The following DARS1 variants were observed in gnomAD, a reference collection of about 807,000 sequenced individuals.
The protein encoded by DARS1 is aspartyl-tRNA synthetase 1, also known as aspartate--tRNA ligase, cytoplasmic.
DARS1 carries 51 observed loss-of-function variants against 68.8 expected under a neutral mutation model. That is an observed-to-expected ratio of 0.74 (90% CI 0.59 to 0.94). The LOEUF is 0.94. DARS1 is among the 40% of genes least tolerant of loss of function. The pLI is 0.00. For missense variants in DARS1, 607 were observed against 597.3 expected, an observed-to-expected ratio of 1.02 and a Z score of -0.17; for synonymous variants, 203 against 190.4, an observed-to-expected ratio of 1.07 and a Z score of -0.55.
chr2:135,929,755 T>C (rs1215632588), intron 7 of DARS1, among the ~76,000 whole-genome samples: 2 of 152,224 alleles, frequency 1.3e-5, no homozygotes, highest in African/African-American at 4.8e-5. Context: ...AGCTAGGCAA[T>C]GTGTTAGAAG....
chr2:135,929,161 A>G (rs1239407424), intron 7 of DARS1, among the ~76,000 whole-genome samples: 1 of 152,132 alleles, frequency 6.6e-6, no homozygotes, highest in African/African-American at 2.4e-5. Context: ...ATGTTTTTCT[A>G]ACTGATGCAT....
chr2:135,911,783 T>C (rs1475284166), intron 13 of DARS1, among the ~76,000 whole-genome samples: 2 of 152,222 alleles, frequency 1.3e-5, no homozygotes, highest in Non-Finnish European at 2.9e-5. Flanking sequence ...CTGAGATGTT[T>C]TTAAGAATGA....
rs1328378961 is a variant in DARS1, at chr2:135,943,148, G to A, written c.423+230C>T. 9 of 460,028 alleles carry A rather than the reference G, an allele frequency of 2.0e-5. No homozygotes were observed. In the East Asian group the frequency reaches 3.4e-4, roughly 18 times the overall value. 28.5% of individuals were successfully genotyped at this position (460,028 alleles called of 1,614,324 possible). On this transcript the variant is annotated intron_variant, in intron 5 of 15. Transcript: ENST00000264161. ...CCAGCCAATGTTGCATGGAGCAGAT[G>A]AGCCATCTCAGTTGGGTGCATCACA...
At chr2:135,977,153 G>A (rs991389227) in intron 3 of DARS1, among the ~76,000 whole-genome samples, 3 of 152,106 alleles carry the variant, frequency 2.0e-5, no homozygotes, top group Admixed American at 6.5e-5. Context: ...CTCAATTATC[G>A]AAGGCTTACA....
rs1680796626 is a variant in DARS1 at position 135,907,080 on chromosome 2, G to A, written c.*236C>T. ...CTCAAGTTATTTCCTACTGATGCAT[G>A]TCTGAAGTTATAAAAATCTCTTTTA... On this transcript the variant is annotated 3_prime_UTR_variant, in exon 16 of 16. Transcript: ENST00000264161. The A allele has an allele frequency of 3.4e-5, 10 of 293,006 alleles. No homozygotes were observed. The East Asian group carries it at 6.6e-4, about 19-fold the overall frequency. 18.2% of individuals were successfully genotyped at this position (293,006 alleles called of 1,614,324 possible).
chr2:135,908,236 T>C (rs778342222), intron 15 of DARS1, among the ~76,000 whole-genome samples: 20 of 152,230 alleles, frequency 1.3e-4, no homozygotes, highest in Non-Finnish European at 2.6e-4. Context: ...AATGCTTTCC[T>C]GTAGGGAGGC....
chr2:135,932,699 T>G, intron 7 of DARS1, 84 bp downstream of exon 7: 1 of 761,926 alleles, frequency 1.3e-6, no homozygotes. Flanking sequence ...ACCATTTAGC[T>G]TTATAAGCCT....
At chr2:135,912,917 A>C (rs560305149) in intron 12 of DARS1, among the ~76,000 whole-genome samples, 65 of 151,936 alleles carry the variant, frequency 4.3e-4, no homozygotes, top group African/African-American at 1.5e-3. Context: ...TAGAGATGGA[A>C]TCTCGCTATG....
At chr2:135,947,805 T>C (rs554427148) in intron 4 of DARS1, among the ~76,000 whole-genome samples, 10 of 151,704 alleles carry the variant, frequency 6.6e-5, no homozygotes, top group South Asian at 2.1e-4. Flanking sequence ...AGCTGCTAGA[T>C]TGCTTTATAG....
intron 3 of DARS1, among the ~76,000 whole-genome samples, chr2:135,975,777 C>T (rs1682484538): frequency 7.3e-6 from 1 of 136,268 alleles, no homozygotes; most frequent in Middle Eastern, 4.3e-3. Flanking sequence ...AAAAAGCCCT[C>T]ATCTCTACTA....
At chr2:135,962,634 C>T (rs1682125878) in intron 3 of DARS1, among the ~76,000 whole-genome samples, 1 of 152,118 alleles carries the variant, frequency 6.6e-6, no homozygotes, top group Non-Finnish European at 1.5e-5. Context: ...AATCTATTGA[C>T]TTTAGAGTCA....
chr2:135,955,673 CTTTTTTTTTTTTTT>C (rs75123258), intron 4 of DARS1, among the ~76,000 whole-genome samples: 36 of 61,338 alleles, frequency 5.9e-4, no homozygotes, highest in Middle Eastern at 0.012. Context: ...AAATAAAAAT[CTTTTTTTTTTTTTT>C]TTTTTTTTTT....
intron 15 of DARS1, 142 bp downstream of exon 15, chr2:135,910,997 C>A: frequency 1.8e-6 from 1 of 562,910 alleles, no homozygotes; most frequent in Non-Finnish European, 3.2e-6. Flanking sequence ...TATTTTATAA[C>A]ACACAAGTTA....
intron 4 of DARS1, among the ~76,000 whole-genome samples, chr2:135,950,724 G>A (rs139609581): frequency 6.6e-6 from 1 of 152,296 alleles, no homozygotes; most frequent in Non-Finnish European, 1.5e-5. Context: ...CACAGGCACA[G>A]CCCATAAACC....
At position 135,978,970 on chromosome 2, in the gene DARS1, A is replaced by G. The variant is rs1489104000; in HGVS notation, c.217+304T>C. 2.1e-5 allele frequency: 4 copies of G among 193,088 alleles called. No individual in the cohort carries two copies. The East Asian group carries it at 4.6e-4, about 22-fold the overall frequency. 12.0% of individuals were successfully genotyped at this position (193,088 alleles called of 1,614,324 possible). On this transcript the variant is annotated intron_variant, in intron 3 of 15. Coordinates refer to ENST00000264161, the MANE Select transcript of DARS1 (RefSeq NM_001349.4). ...TAATTAAAGTTTACTCTTTTTTTTC[A>G]ATTTTTTTTTTTTTTTAGCTACTCC...
intron 12 of DARS1, 22 bp from the exon 13 acceptor site, chr2:135,912,588 T>C (rs200508336): frequency 2.6e-6 from 2 of 771,606 alleles, no homozygotes; most frequent in African/African-American, 1.8e-5. Context: ...ATAAATGCAA[T>C]TAAAATACAT....
intron 4 of DARS1, among the ~76,000 whole-genome samples, chr2:135,944,075 T>C (rs1378734248): frequency 6.6e-6 from 1 of 152,160 alleles, no homozygotes; most frequent in Non-Finnish European, 1.5e-5. Flanking sequence ...ATGATGAGTG[T>C]AAAATAAATG....
intron 3 of DARS1, among the ~76,000 whole-genome samples, chr2:135,977,100 A>G (rs1011176469): frequency 2.0e-5 from 3 of 152,216 alleles, no homozygotes; most frequent in African/African-American, 7.2e-5. Context: ...ACAAAAAACT[A>G]CGATGGAAGG....
At position 135,911,476 on chromosome 2, in the gene DARS1, G is replaced by T; in HGVS notation, c.1248C>A (p.Tyr416Ter). Residue 416 changes from tyrosine to a stop codon, truncating the protein, a stop_gained, in exon 14 of 16, where the codon TAC (tyrosine) becomes TAA (stop). Coordinates refer to ENST00000264161, the MANE Select transcript of DARS1 (RefSeq NM_001349.4). LOFTEE classifies it high-confidence loss of function. ...DPRNPKQSNS[Y>*]DMFMRGEEIL... ...TTTCTTCTCCTCTCATGAACATATC[G>T]TAAGAGTTGGACTGTTTCTGCAAGA... 2 of 989,434 alleles carry T rather than the reference G, an allele frequency of 2.0e-6. No individual in the cohort carries two copies. The highest frequency in any genetic ancestry group is 1.6e-5 in the African/African-American group (1 of 63,422). 61.3% of individuals were successfully genotyped at this position (989,434 alleles called of 1,614,324 possible). A position where few individuals can be genotyped will look rare whatever the true frequency, so the allele number is the denominator to read the frequency against.
Sources: allele counts gnomAD v4.1 joint callset (sites outside exome capture counted in the v4.1 genomes callset), GRCh38; gene constraint gnomAD v4.1.1; transcripts MANE v1.5; gene names NCBI Gene and HGNC (gene_info 2026-07-23, HGNC 2026-07-21).